The following UBE2V1 variants were observed in gnomAD, a reference collection of about 807,000 sequenced individuals.
UBE2V1 encodes ubiquitin-conjugating enzyme E2 variant 1.
Under a neutral mutation model 19.6 loss-of-function variants are expected in UBE2V1, and 15 were observed. The observed-to-expected ratio is 0.77, with a 90% CI of 0.51 to 1.18. The LOEUF (loss-of-function observed/expected upper bound fraction) is 1.18, where lower values mean the gene tolerates loss of function less well. UBE2V1 is among the 50% of genes most tolerant of loss of function. The pLI is 0.00. For missense variants in UBE2V1, 125 were observed against 184.8 expected, an observed-to-expected ratio of 0.68 and a Z score of 1.88; for synonymous variants, 60 against 60.7, an observed-to-expected ratio of 0.99 and a Z score of 0.05.
chr20:50,109,659 G>A (rs540631449), intron 1 of UBE2V1, among the ~76,000 whole-genome samples: 136 of 148,356 alleles, frequency 9.2e-4, no homozygotes, highest in Non-Finnish European at 1.0e-3. Context: ...TGAGGCAGGA[G>A]AATCGCTTGA....
chr20:50,093,376 G>A (rs1287865529), intron 2 of UBE2V1, among the ~76,000 whole-genome samples: 1 of 152,216 alleles, frequency 6.6e-6, no homozygotes, highest in Non-Finnish European at 1.5e-5. Flanking sequence ...TAATAATTAT[G>A]TGGATATTCG....
At position 50,087,934 on chromosome 20, in the gene UBE2V1, G is replaced by C. The variant is rs151231281; in HGVS notation, c.172-3680C>G. Among the ~76,000 whole-genome samples the C allele has an allele frequency of 2.0e-5, 3 of 152,112 alleles. No individual in the cohort carries two copies. In the East Asian group the frequency reaches 5.8e-4, roughly 29 times the overall value. ...ACCAGGTATAGACGATACATTGTAG[G>C]ATATGTATAGCCTATAAAAGCAGAC... is the stretch of plus-strand genomic sequence containing the variant. On this transcript the variant is annotated intron_variant, in intron 2 of 3. Transcript: ENST00000371674.
At position 50,111,322 on chromosome 20, in the gene UBE2V1, C is replaced by T. The variant is rs950698560; in HGVS notation, c.22+1785G>A. 10 of 993,536 alleles carry T rather than the reference C, an allele frequency of 1.0e-5. No individual in the cohort carries two copies. The South Asian group carries it at 4.2e-4, about 42-fold the overall frequency. 61.5% of individuals were successfully genotyped at this position (993,536 alleles called of 1,614,324 possible). A position where few individuals can be genotyped will look rare whatever the true frequency, so the allele number is the denominator to read the frequency against. ...TGTCAGGGTCTGGAGAAGTTAGAAC[C>T]GGGCAGCTGTTAACCCAGATTGTAG... On this transcript the variant is annotated intron_variant, in intron 1 of 3. Transcript: ENST00000371674.
chr20:50,093,431 C>A (rs2079361503), intron 2 of UBE2V1, among the ~76,000 whole-genome samples: 1 of 151,760 alleles, frequency 6.6e-6, no homozygotes, highest in African/African-American at 2.4e-5. Flanking sequence ...AAAGATTGGT[C>A]ACAGGAAGCA....
chr20:50,094,495 T>C (rs2147070208), intron 2 of UBE2V1, among the ~76,000 whole-genome samples: 2 of 151,652 alleles, frequency 1.3e-5, no homozygotes, highest in East Asian at 3.9e-4. Context: ...CATCAACAAA[T>C]GGAAAAACAA....
At chr20:50,112,510 C>A (rs1056024712) in intron 1 of UBE2V1, among the ~76,000 whole-genome samples, 1 of 152,172 alleles carries the variant, frequency 6.6e-6, no homozygotes, top group Non-Finnish European at 1.5e-5. Context: ...AGCAGCTGCT[C>A]CAAGGCTCCT....
At chr20:50,089,947 CT>C (rs780146138) in intron 2 of UBE2V1, among the ~76,000 whole-genome samples, 3 of 152,206 alleles carry the variant, frequency 2.0e-5, no homozygotes, top group Non-Finnish European at 4.4e-5. Context: ...TGGTTCTGGG[CT>C]TCAGTGTCTT....
In UBE2V1 at chr20:50,108,114, G is replaced by A. The variant is rs185320031; in HGVS notation, c.22+4993C>T. ...AGTGGGAAGGGCTTGCTGAAGGGGAGTGGCAGTTTCTATTTTACGTCTGTG... is the reference window on the plus strand; with the variant it reads ...AGTGGGAAGGGCTTGCTGAAGGGGAATGGCAGTTTCTATTTTACGTCTGTG... On this transcript the variant is annotated intron_variant, in intron 1 of 3. Coordinates refer to ENST00000371674, the MANE Select transcript of UBE2V1 (RefSeq NM_001032288.3). 7.9e-5 allele frequency among the ~76,000 whole-genome samples: 12 copies of A among 152,356 alleles called. No homozygotes were observed. In the Middle Eastern group the frequency reaches 0.014, roughly 173 times the overall value.
intron 1 of UBE2V1, among the ~76,000 whole-genome samples, chr20:50,100,415 G>A (rs527781959): frequency 9.2e-4 from 138 of 150,674 alleles, no homozygotes; most frequent in Admixed American, 7.9e-4. Flanking sequence ...ATGAAACTCC[G>A]TCTCTACTAA....
At chr20:50,114,019 T>G (rs1327087670), upstream of UBE2V1, among the ~76,000 whole-genome samples, 1 of 152,062 alleles carries the variant, frequency 6.6e-6, no homozygotes, top group East Asian at 1.9e-4. Context: ...AGGAAGGGCC[T>G]CCTAAGGTGG....
intron 3 of UBE2V1, 162 bp downstream of exon 3, chr20:50,083,966 GA>G (rs2078760808): frequency 1.8e-6 from 2 of 1,136,824 alleles, no homozygotes; most frequent in Non-Finnish European, 2.4e-6. Context: ...ATATAATTGG[GA>G]AACAGGCCCC....
chr20:50,087,883 CAT>C (rs1233273032), intron 2 of UBE2V1, among the ~76,000 whole-genome samples: 1 of 152,140 alleles, frequency 6.6e-6, no homozygotes, highest in Non-Finnish European at 1.5e-5. Flanking sequence ...CACACACACA[CAT>C]ACGAAAGACT....
chr20:50,086,044 C>G (rs576168643), intron 2 of UBE2V1, among the ~76,000 whole-genome samples: 9 of 152,336 alleles, frequency 5.9e-5, no homozygotes, highest in Admixed American at 5.2e-4. Flanking sequence ...GCACAGCAGC[C>G]AGACCAACGT....
intron 1 of UBE2V1, among the ~76,000 whole-genome samples, chr20:50,110,627 G>A (rs538964649): frequency 1.3e-5 from 2 of 152,300 alleles, no homozygotes; most frequent in East Asian, 3.8e-4. Context: ...GCCTAGGGAC[G>A]AAGGTCAGAT....
chr20:50,092,864 C>G lies in UBE2V1; in HGVS notation c.171+3808G>C, dbSNP rs142302474. Among the ~76,000 whole-genome samples, 79 of 152,358 alleles carry G rather than the reference C, an allele frequency of 5.2e-4. No individual in the cohort carries two copies. The East Asian group carries it at 8.7e-3, about 17-fold the overall frequency. ...AAAGTAAGTTTCCTTTCCACTCCAG[C>G]CCTAGCCAGCCAGCTCCCTTCTGAA... On this transcript the variant is annotated intron_variant, in intron 2 of 3. Transcript: ENST00000371674.
intron 2 of UBE2V1, among the ~76,000 whole-genome samples, chr20:50,091,898 GAGCATA>G: frequency 6.6e-6 from 1 of 152,214 alleles, no homozygotes. Context: ...ATTCGATGGT[GAGCATA>G]ATGAATCAGA....
chr20:50,114,734 G>A (rs1601192478), upstream of UBE2V1, among the ~76,000 whole-genome samples: 1 of 152,078 alleles, frequency 6.6e-6, no homozygotes, highest in Non-Finnish European at 1.5e-5. Flanking sequence ...TCCTGACTCC[G>A]CACTTGCACA....
At chr20:50,083,346 C>T (rs1009569118) in intron 3 of UBE2V1, among the ~76,000 whole-genome samples, 6 of 152,250 alleles carry the variant, frequency 3.9e-5, no homozygotes, top group Non-Finnish European at 7.3e-5. Flanking sequence ...GGGCCTGCCA[C>T]AGAGCCAGCA....
At chr20:50,087,838 G>A (rs1411732244) in intron 2 of UBE2V1, among the ~76,000 whole-genome samples, 1 of 152,060 alleles carries the variant, frequency 6.6e-6, no homozygotes, top group Non-Finnish European at 1.5e-5. Flanking sequence ...CGGAGACTTC[G>A]TAGCCTTCTC....
Sources: allele counts gnomAD v4.1 joint callset (sites outside exome capture counted in the v4.1 genomes callset), GRCh38; gene constraint gnomAD v4.1.1; transcripts MANE v1.5; gene names NCBI Gene and HGNC (gene_info 2026-07-23, HGNC 2026-07-21).